TENM3: variants seen among roughly 807,000 people sequenced by gnomAD.
TENM3 encodes the protein teneurin transmembrane protein 3.
Under a neutral mutation model 255.1 loss-of-function variants are expected in TENM3, and 63 were observed. The observed-to-expected ratio is 0.25, with a 90% CI of 0.20 to 0.30. The LOEUF is 0.30. Among genes scored for constraint, TENM3 ranks in the 10% least tolerant of loss-of-function variants. The pLI is 1.00. For missense variants in TENM3, 2,929 were observed against 3,461.1 expected, an observed-to-expected ratio of 0.85 and a Z score of 3.86; for synonymous variants, 1,306 against 1,322.3, an observed-to-expected ratio of 0.99 and a Z score of 0.27.
the TENM3 span, among the ~76,000 whole-genome samples, chr4:181,467,888 C>T: frequency 6.6e-6 from 1 of 151,854 alleles, no homozygotes; most frequent in African/African-American, 2.4e-5. Flanking sequence ...CTGGATTGAC[C>T]CTATATTATA....
At chr4:181,846,586 A>T in the TENM3 span, among the ~76,000 whole-genome samples, 1 of 152,232 alleles carries the variant, frequency 6.6e-6, no homozygotes. Context: ...TTGTTTGAAG[A>T]TTATTAAGAG....
the TENM3 span, among the ~76,000 whole-genome samples, chr4:181,521,141 G>GGCCA: frequency 6.6e-6 from 1 of 152,178 alleles, no homozygotes; most frequent in African/African-American, 2.4e-5. Context: ...GAGCAGCCAT[G>GGCCA]GGCTAAAGCA....
chr4:182,087,220 C>T, the TENM3 span, among the ~76,000 whole-genome samples: 114 of 152,254 alleles, frequency 7.5e-4, no homozygotes, highest in South Asian at 0.013. Flanking sequence ...TGCAAGTAAA[C>T]ACTTACTAAT....
chr4:181,554,152 G>A, the TENM3 span, among the ~76,000 whole-genome samples: 1 of 152,298 alleles, frequency 6.6e-6, no homozygotes, highest in African/African-American at 2.4e-5. Flanking sequence ...CCCAAGATGA[G>A]GAAAGGTAGA....
At chr4:181,748,734 T>C in the TENM3 span, among the ~76,000 whole-genome samples, 2 of 152,044 alleles carry the variant, frequency 1.3e-5, no homozygotes. Context: ...TTGCTTGTCA[T>C]GTAGGGGAAG....
chr4:181,545,688 T>A, the TENM3 span, among the ~76,000 whole-genome samples: 2 of 152,214 alleles, frequency 1.3e-5, no homozygotes, highest in Non-Finnish European at 2.9e-5. Context: ...TGATGAATGC[T>A]GCATATACCA....
the TENM3 span, among the ~76,000 whole-genome samples, chr4:181,608,976 G>C: frequency 6.6e-6 from 1 of 152,126 alleles, no homozygotes. Flanking sequence ...CAAGCAACTC[G>C]GCAATTTTAC....
chr4:182,161,411 G>A (rs1192919717), intron 1 of TENM3, among the ~76,000 whole-genome samples: 6 of 34,248 alleles, frequency 1.8e-4, no homozygotes, highest in East Asian at 2.5e-3. Context: ...GCGAGACTCC[G>A]TCTCAAAAAA....
intron 4 of TENM3, among the ~76,000 whole-genome samples, chr4:182,617,323 A>G (rs1749634849): frequency 6.6e-6 from 1 of 152,224 alleles, no homozygotes; most frequent in Non-Finnish European, 1.5e-5. Flanking sequence ...AAATCATCTT[A>G]TCTTAAAATG....
At chr4:181,983,330 C>T in the TENM3 span, among the ~76,000 whole-genome samples, 23 of 152,144 alleles carry the variant, frequency 1.5e-4, no homozygotes, top group African/African-American at 5.1e-4. Flanking sequence ...AGCAAACAAG[C>T]GAGAACACAT....
chr4:181,659,305 A>G, the TENM3 span, among the ~76,000 whole-genome samples: 7 of 152,138 alleles, frequency 4.6e-5, no homozygotes, highest in African/African-American at 1.7e-4. Flanking sequence ...TCCTCCTCTT[A>G]CTTTCAGGAA....
the TENM3 span, among the ~76,000 whole-genome samples, chr4:181,468,539 T>A: frequency 6.6e-6 from 1 of 152,186 alleles, no homozygotes; most frequent in Non-Finnish European, 1.5e-5. Context: ...TTGACCACCA[T>A]CTGTATAGTG....
chr4:182,647,680 G>A (rs1752876674), intron 5 of TENM3, among the ~76,000 whole-genome samples: 1 of 152,160 alleles, frequency 6.6e-6, no homozygotes, highest in African/African-American at 2.4e-5. Context: ...GTGCTGGTAA[G>A]AACATGAGTG....
intron 1 of TENM3, among the ~76,000 whole-genome samples, chr4:182,180,687 G>T (rs1752786656): frequency 6.7e-6 from 1 of 150,130 alleles, no homozygotes; most frequent in Non-Finnish European, 1.5e-5. Context: ...TGTTGCCCAG[G>T]CTGGTCTTGA....
At chr4:182,056,348 C>T in the TENM3 span, among the ~76,000 whole-genome samples, 4 of 152,256 alleles carry the variant, frequency 2.6e-5, no homozygotes, top group South Asian at 2.1e-4. Context: ...GTAAGAAATA[C>T]GTTTTAAGAA....
At chr4:181,545,633 A>G in the TENM3 span, among the ~76,000 whole-genome samples, 2 of 152,206 alleles carry the variant, frequency 1.3e-5, no homozygotes, top group African/African-American at 2.4e-5. Context: ...TCTAAATTCA[A>G]TCTTTTAAAA....
the TENM3 span, among the ~76,000 whole-genome samples, chr4:181,695,056 A>G: frequency 5.9e-5 from 9 of 152,178 alleles, no homozygotes; most frequent in Non-Finnish European, 8.8e-5. Flanking sequence ...ATGCATGGGA[A>G]ATATAAAGTA....
the TENM3 span, among the ~76,000 whole-genome samples, chr4:182,015,298 T>C: frequency 6.6e-6 from 1 of 152,164 alleles, no homozygotes; most frequent in Non-Finnish European, 1.5e-5. Flanking sequence ...TTCAACTATG[T>C]CTCACGGCAG....
At chr4:181,963,375 G>T in the TENM3 span, among the ~76,000 whole-genome samples, 1 of 151,424 alleles carries the variant, frequency 6.6e-6, no homozygotes, top group African/African-American at 2.4e-5. Flanking sequence ...CTCTCTTTTT[G>T]TCTGTCATAT....
Sources: allele counts gnomAD v4.1 joint callset (sites outside exome capture counted in the v4.1 genomes callset), GRCh38; gene constraint gnomAD v4.1.1; transcripts MANE v1.5; gene names NCBI Gene and HGNC (gene_info 2026-07-23, HGNC 2026-07-21).